Variants in ASPH observed in about 807,000 individuals in gnomAD.
The protein encoded by ASPH is aspartate beta-hydroxylase.
Under a neutral mutation model 118.4 loss-of-function variants are expected in ASPH, and 100 were observed. The observed-to-expected ratio is 0.84, with a 90% CI of 0.72 to 1.00. The LOEUF (loss-of-function observed/expected upper bound fraction) is 1.00, where lower values mean the gene tolerates loss of function less well. Among genes scored for constraint, ASPH ranks in the 50% least tolerant of loss-of-function variants. The pLI, the probability that ASPH is intolerant of heterozygous loss-of-function variation, is 0.00. For synonymous variants in ASPH, 315 were observed against 325.6 expected (o/e 0.97, Z 0.35); for missense variants, 920 against 919.5 (o/e 1.00, Z -0.01).
chr8:61,694,459 G>C (rs1355592283), intron 1 of ASPH, among the ~76,000 whole-genome samples: 1 of 152,130 alleles, frequency 6.6e-6, no homozygotes, highest in South Asian at 2.1e-4. Context: ...CACGGCTCCA[G>C]CATAGTGGCT....
At chr8:61,561,095 G>A (rs1380894519) in intron 18 of ASPH, among the ~76,000 whole-genome samples, 1 of 12,400 alleles carries the variant, frequency 8.1e-5, no homozygotes, top group South Asian at 5.6e-3. Flanking sequence ...AGGGAGGGAG[G>A]GAGAGAGGGA....
At chr8:61,635,680 AT>A (rs923559920) in intron 12 of ASPH, among the ~76,000 whole-genome samples, 1 of 152,114 alleles carries the variant, frequency 6.6e-6, no homozygotes, top group Non-Finnish European at 1.5e-5. Flanking sequence ...CTGAAACCAA[AT>A]AAAAGACCCC....
chr8:61,673,859 G>A (rs1419970142), intron 3 of ASPH, among the ~76,000 whole-genome samples: 5 of 151,996 alleles, frequency 3.3e-5, no homozygotes, highest in Non-Finnish European at 5.9e-5. Context: ...ACAAGTTGAC[G>A]GAAGTCACAG....
chr8:61,542,359 CT>C (rs1822272312), intron 21 of ASPH, among the ~76,000 whole-genome samples: 1 of 151,946 alleles, frequency 6.6e-6, no homozygotes, highest in Admixed American at 6.6e-5. Flanking sequence ...ATTTAATTAC[CT>C]TGTTGTTAAT....
At chr8:61,646,498 T>C (rs1325524657) in intron 6 of ASPH, among the ~76,000 whole-genome samples, 1 of 152,130 alleles carries the variant, frequency 6.6e-6, no homozygotes, top group African/African-American at 2.4e-5. Flanking sequence ...ATAGTAAAAC[T>C]AGTTTCCTCA....
At chr8:61,670,986 A>T (rs528718494) in intron 3 of ASPH, among the ~76,000 whole-genome samples, 34 of 152,264 alleles carry the variant, frequency 2.2e-4, no homozygotes, top group African/African-American at 6.7e-4. Flanking sequence ...CTGTTGGAGC[A>T]GCATGCCCCC....
At chr8:61,644,031 C>A (rs7825861) in intron 7 of ASPH, 30 bp from the exon 8 acceptor site, 2 of 1,525,882 alleles carry the variant, frequency 1.3e-6, no homozygotes, top group Non-Finnish European at 9.1e-7. Context: ...TAGGAAATTA[C>A]GTCTCAAATA....
At chr8:61,668,595 C>G (rs2151406563) in intron 3 of ASPH, among the ~76,000 whole-genome samples, 1 of 152,218 alleles carries the variant, frequency 6.6e-6, no homozygotes, top group South Asian at 2.1e-4. Flanking sequence ...TGGTAGACTT[C>G]CGCTTGGGTC....
chr8:61,591,271 T>C (rs931120950), intron 14 of ASPH, among the ~76,000 whole-genome samples: 4 of 152,188 alleles, frequency 2.6e-5, no homozygotes, highest in Non-Finnish European at 5.9e-5. Context: ...ATCAGCTGTC[T>C]TTTAAAAAAT....
chr8:61,674,270 C>T (rs943283212), intron 3 of ASPH, among the ~76,000 whole-genome samples: 1 of 151,930 alleles, frequency 6.6e-6, no homozygotes, highest in Non-Finnish European at 1.5e-5. Flanking sequence ...TTTCATAGTA[C>T]CCAAGTATGA....
At chr8:61,588,871 G>A (rs766181199) in intron 14 of ASPH, among the ~76,000 whole-genome samples, 8 of 152,250 alleles carry the variant, frequency 5.3e-5, no homozygotes, top group Non-Finnish European at 8.8e-5. Flanking sequence ...GAGAAAACCC[G>A]ATGTCCATCA....
chr8:61,560,657 G>T (rs1829485090), intron 18 of ASPH, among the ~76,000 whole-genome samples: 1 of 151,854 alleles, frequency 6.6e-6, no homozygotes, highest in African/African-American at 2.4e-5. Flanking sequence ...TAGACTTTCT[G>T]CATCCTATTA....
intron 3 of ASPH, 70 bp from the exon 4 acceptor site, chr8:61,653,730 A>G: frequency 6.9e-7 from 1 of 1,451,288 alleles, no homozygotes; most frequent in Non-Finnish European, 9.4e-7. Context: ...ACCAGGAAAA[A>G]TAATATTTTC....
Position 61,714,490 on chromosome 8 carries a change from C to T in ASPH, c.-119G>A. 7.6e-7 allele frequency: 1 copy of T among 1,324,010 alleles called. No homozygotes were observed. Among genetic ancestry groups the T allele is most frequent in the Non-Finnish European group, 9.7e-7 (1 of 1,028,582 alleles). 82.0% of individuals were successfully genotyped at this position (1,324,010 alleles called of 1,614,324 possible). On this transcript the variant is annotated 5_prime_UTR_variant, in exon 1 of 25. Transcript: ENST00000379454. ...GCTGGAGCGGGTTCGGGCCGCTGCT[C>T]CTGCAGCAGACCCTGTGCCTCAGCA...
In ASPH at chr8:61,624,567, C is replaced by T. The variant is rs576341134; in HGVS notation, c.935-5548G>A. ...TTCTTCTGTATTTTATTGCACTCAA[C>T]ATTTAATAGAAGACATTTACATTAT... On this transcript the variant is annotated intron_variant, in intron 13 of 24. Transcript: ENST00000379454. 7.1e-6 allele frequency: 7 copies of T among 980,202 alleles called. No individual in the cohort carries two copies. The Admixed American group carries it at 4.3e-4, about 60-fold the overall frequency. The allele number at this position is 980,202 out of a possible 1,614,324, so 60.7% of individuals were successfully genotyped here.
At chr8:61,591,561 T>C (rs1841146385) in intron 14 of ASPH, among the ~76,000 whole-genome samples, 1 of 152,230 alleles carries the variant, frequency 6.6e-6, no homozygotes, top group Non-Finnish European at 1.5e-5. Flanking sequence ...AATTCTTGGA[T>C]TGCAAGGTCT....
At chr8:61,643,046 T>A in intron 9 of ASPH, 126 bp from the exon 10 acceptor site, 1 of 859,572 alleles carries the variant, frequency 1.2e-6, no homozygotes, top group Non-Finnish European at 1.7e-6. Context: ...TATTAATGTC[T>A]GCTCAGTCAA....
At chr8:61,676,460 G>A (rs969419711) in intron 3 of ASPH, 5 of 799,754 alleles carry the variant, frequency 6.3e-6, no homozygotes, top group Admixed American at 5.9e-5. Flanking sequence ...AAATAAAGAA[G>A]TCCATTAAAA....
intron 3 of ASPH, among the ~76,000 whole-genome samples, chr8:61,673,478 A>T (rs1326086060): frequency 6.6e-6 from 1 of 152,244 alleles, no homozygotes; most frequent in Non-Finnish European, 1.5e-5. Context: ...AGTGACTCTG[A>T]GGAGACAACA....
Sources: allele counts gnomAD v4.1 joint callset (sites outside exome capture counted in the v4.1 genomes callset), GRCh38; gene constraint gnomAD v4.1.1; transcripts MANE v1.5; gene names NCBI Gene and HGNC (gene_info 2026-07-23, HGNC 2026-07-21).